Variants in ABLIM1 observed in about 807,000 individuals in gnomAD.
ABLIM1 encodes actin-binding LIM protein 1.
A neutral mutation model predicts 107.0 loss-of-function variants in ABLIM1; 40 were observed. The ratio of observed to expected loss-of-function variants is 0.37; its 90% CI spans 0.29 to 0.49. The LOEUF is 0.49. ABLIM1 is among the 20% of genes least tolerant of loss of function. The probability of loss-of-function intolerance (pLI) is 0.97; values close to 1 mark genes in which losing one functional copy is unlikely to be tolerated. For synonymous variants in ABLIM1, 357 were observed against 357.3 expected, an observed-to-expected ratio of 1.00 and a Z score of 0.01; for missense variants, 857 against 1,008.5, an observed-to-expected ratio of 0.85 and a Z score of 2.04.
chr10:114,679,197 A>G (rs934644051), intron 1 of ABLIM1, among the ~76,000 whole-genome samples: 9 of 152,350 alleles, frequency 5.9e-5, no homozygotes, highest in African/African-American at 1.9e-4. Flanking sequence ...AAGCAGCATG[A>G]CACCAACCAT....
At chr10:114,439,624 C>CT (rs1021335718) in intron 20 of ABLIM1, 24 of 367,568 alleles carry the variant, frequency 6.5e-5, no homozygotes, top group Admixed American at 2.2e-4. Flanking sequence ...TTCTTTCTTT[C>CT]TTTTTTTAAC....
rs934660520 is a variant in ABLIM1, at chr10:114,619,726, T to G, written c.245-17765A>C. Among the ~76,000 whole-genome samples, 2 of 152,176 alleles carry G rather than the reference T, an allele frequency of 1.3e-5. No individual in the cohort carries two copies. The highest frequency in any genetic ancestry group is 2.9e-5 in the Non-Finnish European group (2 of 68,042). On this transcript the variant is annotated intron_variant, in intron 1 of 22. Transcript: ENST00000533213. This position sits in a 1 kb window ranked among gnomAD's most constrained non-coding sequence, Gnocchi z 4.1. The stretch of plus-strand genomic sequence containing the variant: ...GGAGAGGCAGACTCATAGGGAAAAG[T>G]GATCCCAACTGAAAAAGCAATTCCA...
intron 1 of ABLIM1, among the ~76,000 whole-genome samples, chr10:114,731,268 G>A (rs1485061010): frequency 1.3e-5 from 2 of 150,256 alleles, no homozygotes; most frequent in East Asian, 2.0e-4. Flanking sequence ...AGCCTTGCGA[G>A]TAGCTGAGAT....
Position 114,742,199 on chromosome 10 carries a change from T to A in ABLIM1, c.-213+25862A>T, listed in dbSNP as rs188352289. On this transcript the variant is annotated intron_variant, in intron 1 of 15. Transcript: ENST00000651092. ...GAATGCTCTAAGATAAATAAAAAAC[T>A]ACTCTTTTGCGATTTTGCATTATAA... is the stretch of plus-strand genomic sequence containing the variant. Among the ~76,000 whole-genome samples, 10 of 152,324 alleles carry A rather than the reference T, an allele frequency of 6.6e-5. 1 individual carries two copies. The East Asian group carries it at 1.9e-3, about 29-fold the overall frequency.
chr10:114,456,328 A>C (rs1268265372), intron 12 of ABLIM1, among the ~76,000 whole-genome samples: 2 of 152,202 alleles, frequency 1.3e-5, no homozygotes, highest in African/African-American at 4.8e-5. Flanking sequence ...CATTACAGCT[A>C]ATCTTTGACA....
At chr10:114,452,242 G>T (rs1001651020) in intron 13 of ABLIM1, among the ~76,000 whole-genome samples, 2 of 151,980 alleles carry the variant, frequency 1.3e-5, no homozygotes, top group Non-Finnish European at 2.9e-5. Context: ...TTTAAAAAAA[G>T]AATGAATGAA....
chr10:114,725,213 A>G (rs558331822), intron 1 of ABLIM1, among the ~76,000 whole-genome samples: 1 of 152,300 alleles, frequency 6.6e-6, no homozygotes, highest in Admixed American at 6.5e-5. Flanking sequence ...TTCCACAACT[A>G]GCAATTTACC....
intron 2 of ABLIM1, among the ~76,000 whole-genome samples, chr10:114,590,621 G>A (rs551757992): frequency 4.6e-5 from 7 of 152,252 alleles, no homozygotes; most frequent in Non-Finnish European, 1.0e-4. Flanking sequence ...AGTTCTGCAG[G>A]CATAGCAGAA....
At chr10:114,724,027 A>C (rs781239745) in intron 1 of ABLIM1, among the ~76,000 whole-genome samples, 6 of 152,202 alleles carry the variant, frequency 3.9e-5, no homozygotes, top group Admixed American at 6.5e-5. Context: ...TGATATCTGC[A>C]GGAGAGTCAT....
intron 6 of ABLIM1, among the ~76,000 whole-genome samples, chr10:114,529,970 T>C: frequency 6.6e-6 from 1 of 152,206 alleles, no homozygotes; most frequent in South Asian, 2.1e-4. Context: ...GAGGTTGCAG[T>C]GATCTGAGAT....
At chr10:114,670,647 C>A (rs2080214239) in intron 1 of ABLIM1, among the ~76,000 whole-genome samples, 1 of 152,190 alleles carries the variant, frequency 6.6e-6, no homozygotes, top group African/African-American at 2.4e-5. Flanking sequence ...CATGTGCCAC[C>A]ACGCCCAGCT....
chr10:114,558,913 C>CTG (rs377741805), intron 4 of ABLIM1, among the ~76,000 whole-genome samples: 2,158 of 149,104 alleles, frequency 0.014, 20 homozygotes, highest in South Asian at 0.033. Context: ...GTGTGTGTGT[C>CTG]TGTGTGTGTG....
At chr10:114,781,030 G>T in the ABLIM1 span, among the ~76,000 whole-genome samples, 4 of 152,296 alleles carry the variant, frequency 2.6e-5, no homozygotes, top group Admixed American at 2.6e-4. Flanking sequence ...CCCCGTGGTT[G>T]TTAGGGGCAA....
chr10:114,554,377 G>T (rs1453042781), intron 4 of ABLIM1, among the ~76,000 whole-genome samples: 1 of 152,192 alleles, frequency 6.6e-6, no homozygotes, highest in African/African-American at 2.4e-5. Context: ...AGAGCTGAAA[G>T]TGACAAGAAA....
chr10:114,758,426 T>C (rs564474500), intron 1 of ABLIM1, among the ~76,000 whole-genome samples: 1 of 152,332 alleles, frequency 6.6e-6, no homozygotes, highest in South Asian at 2.1e-4. Context: ...AATGCTTAAG[T>C]GATTCAAAAT....
intron 1 of ABLIM1, among the ~76,000 whole-genome samples, chr10:114,696,646 T>C (rs2081199868): frequency 6.6e-6 from 1 of 152,216 alleles, no homozygotes; most frequent in African/African-American, 2.4e-5. Flanking sequence ...GTTTCTCCTT[T>C]TGCTTGGCTC....
chr10:114,593,736 C>A (rs1228901029), intron 2 of ABLIM1, among the ~76,000 whole-genome samples: 1 of 152,140 alleles, frequency 6.6e-6, no homozygotes, highest in Non-Finnish European at 1.5e-5. Context: ...GTTATCAGCA[C>A]CTCAGCTCAC....
intron 1 of ABLIM1, among the ~76,000 whole-genome samples, chr10:114,653,979 G>C (rs2079374955): frequency 6.6e-6 from 1 of 152,228 alleles, no homozygotes; most frequent in African/African-American, 2.4e-5. Flanking sequence ...ACTCAAAGCA[G>C]GGATTGAGCA....
chr10:114,617,855 G>A (rs932777608), intron 1 of ABLIM1, among the ~76,000 whole-genome samples: 5 of 152,104 alleles, frequency 3.3e-5, no homozygotes, highest in African/African-American at 4.8e-5. Flanking sequence ...TGGCTCACAT[G>A]TGTAATCCCA....
Sources: allele counts gnomAD v4.1 joint callset (sites outside exome capture counted in the v4.1 genomes callset), GRCh38; gene constraint gnomAD v4.1.1; non-coding constraint Gnocchi (gnomAD v3.1); transcripts MANE v1.5; gene names NCBI Gene and HGNC (gene_info 2026-07-23, HGNC 2026-07-21).